Variants in EFNA5 observed in about 807,000 individuals in gnomAD.
EFNA5 encodes ephrin-A5.
A neutral mutation model predicts 22.9 loss-of-function variants in EFNA5; 5 were observed. The ratio of observed to expected loss-of-function variants is 0.22; its 90% CI spans 0.11 to 0.46. The LOEUF is 0.46. EFNA5 is among the 20% of genes least tolerant of loss of function. The pLI is 0.99. For synonymous variants in EFNA5, 113 were observed against 112.2 expected, an observed-to-expected ratio of 1.01 and a Z score of -0.04; for missense variants, 237 against 293.3, an observed-to-expected ratio of 0.81 and a Z score of 1.40.
chr5:107,606,943 CA>C (rs1264982391), intron 1 of EFNA5, among the ~76,000 whole-genome samples: 1 of 152,150 alleles, frequency 6.6e-6, no homozygotes, highest in Non-Finnish European at 1.5e-5. Context: ...CCTTCTTTCA[CA>C]AATCTGTATT....
intron 1 of EFNA5, among the ~76,000 whole-genome samples, chr5:107,534,204 C>G (rs1747880948): frequency 6.6e-6 from 1 of 152,194 alleles, no homozygotes; most frequent in Non-Finnish European, 1.5e-5. Context: ...CTAAGAGCAG[C>G]AAACACTTCA....
In EFNA5 at chr5:107,515,010, C is replaced by T. The variant is rs1747447281; in HGVS notation, c.126-87501G>A. Among the ~76,000 whole-genome samples the T allele has an allele frequency of 3.3e-5, 5 of 152,178 alleles. No homozygotes were observed. The South Asian group carries it at 1.0e-3, about 31-fold the overall frequency. On this transcript the variant is annotated intron_variant, in intron 1 of 4. Transcript: ENST00000333274. ...ATGCCGGCAGGAACTAAGGACTAGA[C>T]ATGTGCAGGATGGCAGCTCCATCTT...
At chr5:107,666,654 G>A (rs892187714) in intron 1 of EFNA5, among the ~76,000 whole-genome samples, 3 of 152,196 alleles carry the variant, frequency 2.0e-5, no homozygotes, top group South Asian at 4.1e-4. Context: ...GGTTGAGGAC[G>A]ACTGGTATTC....
intron 1 of EFNA5, among the ~76,000 whole-genome samples, chr5:107,436,068 A>C (rs1191789097): frequency 6.6e-6 from 1 of 152,238 alleles, no homozygotes; most frequent in Non-Finnish European, 1.5e-5. Context: ...TATCAGATAG[A>C]TAGATAAAAT....
intron 1 of EFNA5, among the ~76,000 whole-genome samples, chr5:107,482,642 C>T (rs26244): frequency 0.1 from 15,308 of 151,912 alleles, 1,207 homozygotes; most frequent in East Asian, 0.29. Context: ...ATATCATTTG[C>T]GCAATGTAGC....
At position 107,565,072 on chromosome 5, in the gene EFNA5, G is replaced by A. The variant is rs146747934; in HGVS notation, c.125+105417C>T. On this transcript the variant is annotated intron_variant, in intron 1 of 4. Coordinates refer to ENST00000333274, the MANE Select transcript of EFNA5 (RefSeq NM_001962.3). ...AAATAAAGCCATAAAGAAAGTCCAC[G>A]CTGGAACTAATTGGCACCAACCAGG... 1.3e-3 allele frequency among the ~76,000 whole-genome samples: 198 copies of A among 152,222 alleles called. 3 individuals are homozygous for A. The East Asian group carries it at 0.033, about 25-fold the overall frequency.
At chr5:107,602,927 A>C (rs1256773010) in intron 1 of EFNA5, among the ~76,000 whole-genome samples, 1 of 152,236 alleles carries the variant, frequency 6.6e-6, no homozygotes, top group Admixed American at 6.5e-5. Flanking sequence ...AGGAGGCAGG[A>C]GACGTAGCCA....
chr5:107,452,340 GAA>G (rs1051278844), intron 1 of EFNA5, among the ~76,000 whole-genome samples: 2 of 149,904 alleles, frequency 1.3e-5, no homozygotes, highest in Admixed American at 1.3e-4. Flanking sequence ...TTTTCTTTTA[GAA>G]AAAAAAAGTC....
At chr5:107,633,845 C>T (rs2112538352) in intron 1 of EFNA5, among the ~76,000 whole-genome samples, 1 of 152,216 alleles carries the variant, frequency 6.6e-6, no homozygotes, top group Middle Eastern at 3.4e-3. Context: ...AATCACAGGC[C>T]ACAGATCCAA....
chr5:107,618,045 G>C (rs1380329184), intron 1 of EFNA5, among the ~76,000 whole-genome samples: 1 of 151,864 alleles, frequency 6.6e-6, no homozygotes, highest in East Asian at 1.9e-4. Flanking sequence ...AAAAGACCCA[G>C]CACACAACCT....
intron 1 of EFNA5, among the ~76,000 whole-genome samples, chr5:107,536,895 A>G (rs992592378): frequency 6.6e-6 from 1 of 152,114 alleles, no homozygotes; most frequent in Non-Finnish European, 1.5e-5. Context: ...TCATGAGGTC[A>G]GGAGTTTGAG....
intron 1 of EFNA5, among the ~76,000 whole-genome samples, chr5:107,477,070 T>C (rs561084509): frequency 6.6e-6 from 1 of 152,260 alleles, no homozygotes; most frequent in East Asian, 1.9e-4. Flanking sequence ...GGAAAGGCTG[T>C]GTGGCAACTC....
chr5:107,541,028 AC>A (rs1486272822), intron 1 of EFNA5, among the ~76,000 whole-genome samples: 2 of 152,104 alleles, frequency 1.3e-5, no homozygotes, highest in East Asian at 3.9e-4. Flanking sequence ...AATCACTGGA[AC>A]CCAGGAAGCA....
At chr5:107,443,752 C>T (rs989918497) in intron 1 of EFNA5, among the ~76,000 whole-genome samples, 2 of 152,086 alleles carry the variant, frequency 1.3e-5, no homozygotes, top group Non-Finnish European at 2.9e-5. Flanking sequence ...GGAAAAGTAC[C>T]TAATGCATGC....
chr5:107,501,978 C>T (rs1456541201), intron 1 of EFNA5, among the ~76,000 whole-genome samples: 1 of 152,204 alleles, frequency 6.6e-6, no homozygotes, highest in Non-Finnish European at 1.5e-5. Flanking sequence ...GAGCCCTCCT[C>T]CCTTTAAAAG....
intron 1 of EFNA5, among the ~76,000 whole-genome samples, chr5:107,596,049 A>G (rs1000019048): frequency 1.3e-5 from 2 of 152,216 alleles, no homozygotes; most frequent in Admixed American, 1.3e-4. Context: ...AAGATAGAAA[A>G]ATAAAATTCA....
chr5:107,522,902 T>C (rs530883813), intron 1 of EFNA5, among the ~76,000 whole-genome samples: 21 of 152,338 alleles, frequency 1.4e-4, no homozygotes, highest in Admixed American at 1.3e-3. Flanking sequence ...GTATCCCCCA[T>C]TCACTAAATC....
chr5:107,418,803 G>A (rs1418349268), intron 2 of EFNA5, among the ~76,000 whole-genome samples: 1 of 152,112 alleles, frequency 6.6e-6, no homozygotes, highest in African/African-American at 2.4e-5. Context: ...TGGTCCCAAT[G>A]TAAAAATCTA....
intron 1 of EFNA5, among the ~76,000 whole-genome samples, chr5:107,463,905 G>A (rs1184984674): frequency 6.6e-6 from 1 of 152,120 alleles, no homozygotes; most frequent in Non-Finnish European, 1.5e-5. Context: ...CTGCATCTAA[G>A]TACCTAACTG....
Sources: allele counts gnomAD v4.1 joint callset (sites outside exome capture counted in the v4.1 genomes callset), GRCh38; gene constraint gnomAD v4.1.1; transcripts MANE v1.5; gene names NCBI Gene and HGNC (gene_info 2026-07-23, HGNC 2026-07-21).